The following AKAP13 variants were observed in gnomAD, a reference collection of about 807,000 sequenced individuals.
The protein encoded by AKAP13 is A-kinase anchoring protein 13.
A neutral mutation model predicts 264.5 loss-of-function variants in AKAP13; 80 were observed. The ratio of observed to expected loss-of-function variants is 0.30; its 90% confidence interval spans 0.25 to 0.36. The LOEUF (loss-of-function observed/expected upper bound fraction) is 0.36, where lower values mean the gene tolerates loss of function less well. Ranked by LOEUF, AKAP13 falls within the 10% of genes least tolerant of loss-of-function variation. The pLI, the probability that AKAP13 is intolerant of heterozygous loss-of-function variation, is 1.00. For missense variants in AKAP13, 3,712 were observed against 3,435.2 expected (o/e 1.08, Z -2.01); for synonymous variants, 1,380 against 1,250.2 (o/e 1.10, Z -2.19).
intron 1 of AKAP13, among the ~76,000 whole-genome samples, chr15:85,470,568 TCAAATTCTTA>T (rs1361406120): frequency 2.0e-5 from 3 of 152,358 alleles, no homozygotes; most frequent in Non-Finnish European, 4.4e-5. Flanking sequence ...CAAGGTTCTT[TCAAATTCTTA>T]ACTAGTTTAG....
intron 1 of AKAP13, among the ~76,000 whole-genome samples, chr15:85,412,755 T>C (rs931281439): frequency 6.6e-6 from 1 of 152,222 alleles, no homozygotes; most frequent in African/African-American, 2.4e-5. Context: ...AATACTTTAG[T>C]TTCTTATTTG....
intron 18 of AKAP13, among the ~76,000 whole-genome samples, chr15:85,709,706 G>T (rs1227680729): frequency 2.2e-5 from 2 of 90,150 alleles, no homozygotes; most frequent in African/African-American, 4.0e-5. Flanking sequence ...TTTTATTTTA[G>T]AGACAGAGTC....
At chr15:85,577,484 A>G (rs927755967) in intron 6 of AKAP13, among the ~76,000 whole-genome samples, 2 of 152,144 alleles carry the variant, frequency 1.3e-5, no homozygotes, top group African/African-American at 4.8e-5. Flanking sequence ...TGCACATGGG[A>G]TTTTTGCATA....
Position 85,723,341 on chromosome 15 carries a change from C to G in AKAP13, c.6745+21C>G, listed in dbSNP as rs762344514. Reference sequence around the variant, plus strand: ...GAAAGGTAAGGCTTGGCTCTTTTGTCTTAAGTATGTGCCCAGGTAAAACAG... The same window carrying G: ...GAAAGGTAAGGCTTGGCTCTTTTGTGTTAAGTATGTGCCCAGGTAAAACAG... On this transcript the variant is annotated intron_variant, in intron 26 of 36. Transcript: ENST00000394518. The G allele has an allele frequency of 7.8e-5, 126 of 1,610,664 alleles. No homozygotes were observed. The Admixed American group carries it at 8.0e-4, about 10-fold the overall frequency.
At chr15:85,630,379 G>A (rs453823) in intron 8 of AKAP13, among the ~76,000 whole-genome samples, 96,759 of 151,900 alleles carry the variant, frequency 0.64, 30,991 homozygotes, top group Middle Eastern at 0.73. Flanking sequence ...TATGCAATGT[G>A]GTGTTCCATT....
Position 85,533,622 on chromosome 15 carries a change from G to A in AKAP13, c.220G>A (p.Ala74Thr). The A allele has an allele frequency of 6.2e-7, 1 of 1,613,880 alleles. No individual in the cohort carries two copies. The highest frequency in any genetic ancestry group is 8.5e-7 in the Non-Finnish European group (1 of 1,179,872). Residue 74 changes from alanine (A) to threonine (T), a missense_variant, in exon 4 of 37, where the codon GCT becomes ACT. Coordinates refer to ENST00000394518, the MANE Select transcript of AKAP13 (RefSeq NM_007200.5). Reference sequence around the variant, plus strand: ...TGAAACAGTGAAGGTGCAGCTCTGTGCTTCCAAAGAGGGCCTTCCCGTGTT... The same window carrying A: ...TGAAACAGTGAAGGTGCAGCTCTGTACTTCCAAAGAGGGCCTTCCCGTGTT... ...CCETVKVQLCASKEGLPVFVV... is the reference protein window; with the variant it reads ...CCETVKVQLCTSKEGLPVFVV...
Position 85,551,417 on chromosome 15 carries a change from A to G in AKAP13, c.662+7462A>G, listed in dbSNP as rs964914189. On this transcript the variant is annotated intron_variant, in intron 5 of 36. Transcript: ENST00000394518. Reference sequence around the variant, plus strand: ...AAGGTGGGCGTTTTATCTCCATTGCACAAGGAAATGTAATAGCCATAGCTG... The same window carrying G: ...AAGGTGGGCGTTTTATCTCCATTGCGCAAGGAAATGTAATAGCCATAGCTG... 2.6e-5 allele frequency among the ~76,000 whole-genome samples: 4 copies of G among 152,188 alleles called. No homozygotes were observed. In the East Asian group the frequency reaches 5.8e-4, roughly 22 times the overall value.
In AKAP13 at chr15:85,744,935, C is replaced by T; in HGVS notation, c.*258C>T. On this transcript the variant is annotated 3_prime_UTR_variant, in exon 37 of 37. Coordinates refer to ENST00000394518, the MANE Select transcript of AKAP13 (RefSeq NM_007200.5). ...GTTGGGCTGGCCCTACTCAGGATTA[C>T]ACTGAAAGTAATGGCCTCGTAAGTA... 1 of 400,610 alleles carries T rather than the reference C, an allele frequency of 2.5e-6. No individual in the cohort carries two copies. The highest frequency in any genetic ancestry group is 4.4e-6 in the Non-Finnish European group (1 of 224,936). 24.8% of individuals were successfully genotyped at this position (400,610 alleles called of 1,614,324 possible).
rs563736387 is a variant in AKAP13, at chr15:85,450,557, C to A, written c.-11-35153C>A. On this transcript the variant is annotated intron_variant, in intron 1 of 36. Coordinates refer to ENST00000394518, the MANE Select transcript of AKAP13 (RefSeq NM_007200.5). ...TCCCAGAGATTCTGTTATGTTGTAT[C>A]TTTGTTCTCATTATTTTCAAATAAC... Among the ~76,000 whole-genome samples the A allele has an allele frequency of 1.4e-4, 21 of 152,192 alleles. No homozygotes were observed. The South Asian group carries it at 4.4e-3, about 32-fold the overall frequency.
At chr15:85,596,420 A>C (rs2079828013) in intron 8 of AKAP13, among the ~76,000 whole-genome samples, 1 of 152,076 alleles carries the variant, frequency 6.6e-6, no homozygotes, top group Non-Finnish European at 1.5e-5. Context: ...AGCCTGGGCA[A>C]AACCCTGTCT....
At chr15:85,643,775 GAC>G (rs2082419422) in intron 9 of AKAP13, among the ~76,000 whole-genome samples, 1 of 152,218 alleles carries the variant, frequency 6.6e-6, no homozygotes, top group African/African-American at 2.4e-5. Context: ...GGGAATCTGT[GAC>G]AGTCTTTAGG....
intron 30 of AKAP13, among the ~76,000 whole-genome samples, chr15:85,733,933 A>C (rs1187989967): frequency 8.0e-6 from 1 of 124,536 alleles, no homozygotes; most frequent in African/African-American, 2.9e-5. Context: ...GCTGCAGTGC[A>C]ATGGTGCGAT....
At position 85,579,280 on chromosome 15, in the gene AKAP13, G is replaced by A. The variant is rs1212273739; in HGVS notation, c.1212G>A (p.Leu404=). The A allele has an allele frequency of 1.2e-5, 20 of 1,614,112 alleles. No individual in the cohort carries two copies. The highest frequency in any genetic ancestry group is 1.7e-5 in the Non-Finnish European group (20 of 1,180,054). Residue 404 remains leucine (L), a synonymous_variant, in exon 7 of 37, where the codon TTG becomes TTA. Coordinates refer to ENST00000394518, the MANE Select transcript of AKAP13 (RefSeq NM_007200.5). ...ATCAAGACAGCTGCCTTCAGAGCTTGCCTGATTGTGGAGTAAAGGGCACGG... is the reference window on the plus strand; with the variant it reads ...ATCAAGACAGCTGCCTTCAGAGCTTACCTGATTGTGGAGTAAAGGGCACGG... The part of the protein sequence containing the change: ...VSDQDSCLQS[L]PDCGVKGTEG...
Position 85,604,038 on chromosome 15 carries a change from A to G in AKAP13, c.4161+18215A>G, listed in dbSNP as rs190462098. On this transcript the variant is annotated intron_variant, in intron 8 of 36. Transcript: ENST00000394518. ...TGATGTGTGTTGAGTGTCTCAAAAG[A>G]AAAAGGGACACAGGAAGAACTTCAG... Among the ~76,000 whole-genome samples the G allele has an allele frequency of 1.6e-3, 248 of 152,318 alleles. 2 individuals carry two copies. Among genetic ancestry groups the G allele is most frequent in the African/African-American group, 5.6e-3 (231 of 41,564 alleles).
In AKAP13 at chr15:85,557,394, C is replaced by T. The variant is rs537414860; in HGVS notation, c.662+13439C>T. Among the ~76,000 whole-genome samples, 851 of 152,184 alleles carry T rather than the reference C, an allele frequency of 5.6e-3. 3 individuals are homozygous for T. Among genetic ancestry groups the T allele is most frequent in the Non-Finnish European group, 7.9e-3 (538 of 68,014 alleles). ...TATTTATTATGTACTGTGATTTGTTCCTGATATTTCACATTTGATTCAGGG... is the reference window on the plus strand; with the variant it reads ...TATTTATTATGTACTGTGATTTGTTTCTGATATTTCACATTTGATTCAGGG... On this transcript the variant is annotated intron_variant, in intron 5 of 36. Transcript: ENST00000394518.
At chr15:85,408,006 A>T (rs1428546242) in intron 1 of AKAP13, among the ~76,000 whole-genome samples, 3 of 151,640 alleles carry the variant, frequency 2.0e-5, no homozygotes, top group African/African-American at 7.3e-5. Flanking sequence ...AAACTTGTTG[A>T]GTAGATGGTG....
intron 30 of AKAP13, among the ~76,000 whole-genome samples, chr15:85,733,881 T>TC (rs1373383561): frequency 6.9e-6 from 1 of 144,024 alleles, no homozygotes; most frequent in East Asian, 2.0e-4. Context: ...TTCTTTTTTT[T>TC]TTTTTTTTTT....
chr15:85,691,257 C>T (rs2085269867), intron 16 of AKAP13, among the ~76,000 whole-genome samples: 1 of 152,002 alleles, frequency 6.6e-6, no homozygotes, highest in African/African-American at 2.4e-5. Context: ...CTTTGTAGTC[C>T]AGTTGGTTTG....
At chr15:85,440,337 ACTTTTT>A (rs1159078935) in intron 1 of AKAP13, among the ~76,000 whole-genome samples, 1 of 152,092 alleles carries the variant, frequency 6.6e-6, no homozygotes, top group Non-Finnish European at 1.5e-5. Context: ...ATAGATGAAA[ACTTTTT>A]CTTAATTTAA....
Sources: allele counts gnomAD v4.1 joint callset (sites outside exome capture counted in the v4.1 genomes callset), GRCh38; gene constraint gnomAD v4.1.1; transcripts MANE v1.5; gene names NCBI Gene and HGNC (gene_info 2026-07-23, HGNC 2026-07-21).